Variants in DMD observed in about 807,000 individuals in gnomAD.
The protein encoded by DMD is dystrophin, also known as mutant dystrophin.
A neutral mutation model predicts 330.1 loss-of-function variants in DMD; 63 were observed. That is an observed-to-expected ratio of 0.19 (90% confidence interval 0.16 to 0.24). The LOEUF is 0.24. Among genes scored for constraint, DMD ranks in the 10% least tolerant of loss-of-function variants. The pLI is 1.00. For synonymous variants in DMD, 1,223 were observed against 959.8 expected, an observed-to-expected ratio of 1.27 and a Z score of -5.07; for missense variants, 3,344 against 2,684.1, an observed-to-expected ratio of 1.25 and a Z score of -5.43.
intron 2 of DMD, among the ~76,000 whole-genome samples, chrX:32,916,975 T>C (rs1029260158): frequency 8.9e-6 from 1 of 111,883 alleles, no homozygotes; most frequent in Non-Finnish European, 1.9e-5. Flanking sequence ...ATGATTAAAA[T>C]ATTACATGTG....
At chrX:31,520,820 C>T (rs1257076285) in intron 55 of DMD, among the ~76,000 whole-genome samples, 1 of 110,523 alleles carries the variant, frequency 9.0e-6, no homozygotes, top group African/African-American at 3.3e-5. Flanking sequence ...GCTGGGACTA[C>T]AGGCGCCCGC....
At position 32,310,295 on chromosome X, in the gene DMD, A is replaced by C. The variant is rs776894866; in HGVS notation, c.5923-19T>G. The C allele has an allele frequency of 8.4e-7, 1 of 1,187,542 alleles. No homozygotes were observed. Among genetic ancestry groups the C allele is most frequent in the Non-Finnish European group, 1.1e-6 (1 of 876,226 alleles). ...CAGTGTGCTGGTATAGATATACAAA[A>C]GAACAATTTTTTTTAGCTTCCTAAC... On this transcript the variant is annotated intron_variant, in intron 41 of 78. Transcript: ENST00000357033.
chrX:32,581,054 G>C (rs1047434125), intron 13 of DMD, among the ~76,000 whole-genome samples: 2 of 111,361 alleles, frequency 1.8e-5, no homozygotes, highest in Non-Finnish European at 3.8e-5. Context: ...TCAAACTCCT[G>C]ACCTCAAGTG....
intron 2 of DMD, among the ~76,000 whole-genome samples, chrX:32,942,573 C>G (rs1291928331): frequency 9.0e-6 from 1 of 110,742 alleles, no homozygotes; most frequent in East Asian, 2.8e-4. Flanking sequence ...AAAAGAGAAT[C>G]CATTTTAACT....
chrX:32,988,039 T>A (rs1009794409), intron 2 of DMD, among the ~76,000 whole-genome samples: 3 of 110,797 alleles, frequency 2.7e-5, no homozygotes, highest in Non-Finnish European at 5.7e-5. Flanking sequence ...AAGTAGAAGT[T>A]ACTTAATATC....
chrX:31,353,994 C>G (rs2058549187), intron 60 of DMD, among the ~76,000 whole-genome samples: 1 of 111,865 alleles, frequency 8.9e-6, no homozygotes, highest in Admixed American at 9.4e-5. Flanking sequence ...TCATAGATCA[C>G]GAAAGCTTAG....
chrX:33,230,656 C>T (rs1196687453), intron 1 of DMD, among the ~76,000 whole-genome samples: 2 of 110,706 alleles, frequency 1.8e-5, no homozygotes, highest in Non-Finnish European at 3.8e-5. Flanking sequence ...CCAGTAATTA[C>T]CCAATCTCTA....
chrX:32,465,568 T>G (rs1278793623), intron 23 of DMD, among the ~76,000 whole-genome samples: 1 of 74,724 alleles, frequency 1.3e-5, no homozygotes, highest in East Asian at 4.6e-4. Context: ...TCTTTTTTTT[T>G]TTGTTTGTTT....
chrX:32,547,105 T>C (rs1351541103), intron 16 of DMD, among the ~76,000 whole-genome samples: 1 of 111,294 alleles, frequency 9.0e-6, no homozygotes, highest in Non-Finnish European at 1.9e-5. Flanking sequence ...TTTCTTTGCA[T>C]ACAGTGGAGG....
At chrX:32,838,698 T>C (rs1313853483) in intron 4 of DMD, among the ~76,000 whole-genome samples, 1 of 112,148 alleles carries the variant, frequency 8.9e-6, no homozygotes, top group African/African-American at 3.2e-5. Context: ...TCACTTGTCA[T>C]TAGAAAAATG....
In DMD at chrX:33,087,806, T is replaced by A. The variant is rs112244078; in HGVS notation, c.32-67606A>T. Among the ~76,000 whole-genome samples the A allele has an allele frequency of 6.3e-3, 704 of 111,962 alleles. 6 individuals carry two copies. Among genetic ancestry groups the A allele is most frequent in the African/African-American group, 0.021 (662 of 30,849 alleles). On this transcript the variant is annotated intron_variant, in intron 1 of 78. Coordinates refer to ENST00000357033, the MANE Select transcript of DMD (RefSeq NM_004006.3). ...ATAAAGTTGGCTCTTATAATTATGA[T>A]GTAGCTACCCTCACCTTCTTGATTA...
At chrX:32,311,735 TAAG>T (rs1258571379) in intron 41 of DMD, among the ~76,000 whole-genome samples, 2 of 111,833 alleles carry the variant, frequency 1.8e-5, no homozygotes, top group Non-Finnish European at 3.8e-5. Flanking sequence ...ACAGATTTCT[TAAG>T]AAATTCTTAA....
At chrX:32,447,994 G>A (rs940718539) in intron 27 of DMD, among the ~76,000 whole-genome samples, 3 of 110,681 alleles carry the variant, frequency 2.7e-5, no homozygotes, top group Non-Finnish European at 5.7e-5. Flanking sequence ...TATGGGGCAC[G>A]GCAATTACTA....
At position 32,857,145 on chromosome X, in the gene DMD, A is replaced by G. The variant is rs186669638; in HGVS notation, c.94-7325T>C. ...AGGATACATTCTTGAGGTGACAGAT[A>G]CTTCACTTACCCTGATATGATTATG... is the stretch of plus-strand genomic sequence containing the variant. On this transcript the variant is annotated intron_variant, in intron 2 of 78. Transcript: ENST00000357033. Among the ~76,000 whole-genome samples, 246 of 111,991 alleles carry G rather than the reference A, an allele frequency of 2.2e-3. 1 individual carries two copies. Among genetic ancestry groups the G allele is most frequent in the African/African-American group, 7.7e-3 (237 of 30,863 alleles).
chrX:32,448,304 C>G, intron 27 of DMD, 152 bp downstream of exon 27: 2 of 533,581 alleles, frequency 3.7e-6, no homozygotes, highest in Non-Finnish European at 6.2e-6. Flanking sequence ...ACAAGTTAAG[C>G]AAATGGCCCA....
At chrX:33,001,977 T>G (rs775462760) in intron 2 of DMD, among the ~76,000 whole-genome samples, 2 of 111,665 alleles carry the variant, frequency 1.8e-5, no homozygotes, top group South Asian at 7.4e-4. Context: ...TATAGAAAAT[T>G]GTGAAAGAAC....
chrX:32,346,023 G>T lies in DMD; in HGVS notation c.5506C>A (p.Gln1836Lys). Residue 1836 changes from glutamine (Q) to lysine (K), a missense_variant, in exon 39 of 79, where the codon CAA becomes AAA. Physicochemically the swap from Gln to Lys is moderately conservative, Grantham distance 53. Coordinates refer to ENST00000357033, the MANE Select transcript of DMD (RefSeq NM_004006.3). The part of the protein sequence containing the change: ...ELLQRGDNLQ[Q>K]RITDERKREE... ...CGCTTTCTCTCATCTGTGATTCTTTGTTGTAAGTTGTCTCCTCTTTGCAAC... is the reference window on the plus strand; with the variant it reads ...CGCTTTCTCTCATCTGTGATTCTTTTTTGTAAGTTGTCTCCTCTTTGCAAC... 8.3e-7 allele frequency: 1 copy of T among 1,208,515 alleles called. No individual in the cohort carries two copies. Among genetic ancestry groups the T allele is most frequent in the Non-Finnish European group, 1.1e-6 (1 of 893,647 alleles).
intron 1 of DMD, among the ~76,000 whole-genome samples, chrX:33,081,462 C>T (rs1243938287): frequency 1.8e-5 from 2 of 111,378 alleles, no homozygotes; most frequent in African/African-American, 6.5e-5. Flanking sequence ...TTCTTAGAGA[C>T]GGGGTTTCAC....
At position 33,047,096 on chromosome X, in the gene DMD, G is replaced by C. The variant is rs148883564; in HGVS notation, c.32-26896C>G. 5.2e-3 allele frequency among the ~76,000 whole-genome samples: 576 copies of C among 111,631 alleles called. 4 individuals carry two copies. Among genetic ancestry groups the C allele is most frequent in the African/African-American group, 0.016 (494 of 30,761 alleles). On this transcript the variant is annotated intron_variant, in intron 1 of 78. Transcript: ENST00000357033. ...CCCTATTGTATGGATAGGAAACAAA[G>C]CTTAGCGAGGTTAAGTAACTGCCCA... is the stretch of plus-strand genomic sequence containing the variant.
Sources: gnomAD v4.1 joint callset for allele counts (sites outside exome capture counted in the v4.1 genomes callset) on GRCh38, gnomAD v4.1.1 for gene constraint, MANE v1.5 for transcripts, NCBI Gene and HGNC (gene_info 2026-07-23, HGNC 2026-07-21) for gene names.